The following OR6N1 variants were observed in gnomAD, a reference collection of about 807,000 sequenced individuals.
OR6N1 encodes olfactory receptor 6N1.
For synonymous variants in OR6N1, 170 were observed against 150.7 expected, an observed-to-expected ratio of 1.13 and a Z score of -0.94; for missense variants, 394 against 371.7, an observed-to-expected ratio of 1.06 and a Z score of -0.49.
the OR6N1 span, among the ~76,000 whole-genome samples, chr1:158,784,311 A>G: frequency 9.8e-5 from 15 of 152,316 alleles, 1 homozygote; most frequent in African/African-American, 3.6e-4. Context: ...ATAATTGTAC[A>G]TATTTATAGG....
chr1:158,773,126 T>A (rs1657464979), upstream of OR6N1, among the ~76,000 whole-genome samples: 1 of 152,126 alleles, frequency 6.6e-6, no homozygotes, highest in African/African-American at 2.4e-5. Flanking sequence ...ACTTTCAATA[T>A]TCTTCATCAA....
chr1:158,786,252 C>T, the OR6N1 span, among the ~76,000 whole-genome samples: 2 of 152,160 alleles, frequency 1.3e-5, no homozygotes, highest in African/African-American at 4.8e-5. Flanking sequence ...CAATGCTCAA[C>T]ATTGCTAATT....
At chr1:158,832,705 A>G in the OR6N1 span, among the ~76,000 whole-genome samples, 661 of 152,046 alleles carry the variant, frequency 4.3e-3, 3 homozygotes, top group African/African-American at 0.015. Flanking sequence ...ATTTTAAGCT[A>G]CACTATTTTT....
chr1:158,784,498 G>T, the OR6N1 span, among the ~76,000 whole-genome samples: 3 of 152,076 alleles, frequency 2.0e-5, no homozygotes, highest in Admixed American at 6.5e-5. Flanking sequence ...ACCCTACTGT[G>T]CAATAGAACA....
rs1657204509 is a variant in OR6N1 at position 158,764,944 on chromosome 1, T to G, written c.*800A>C. 1 of 152,096 alleles carries G rather than the reference T, an allele frequency of 6.6e-6. No individual in the cohort carries two copies. Among genetic ancestry groups the G allele is most frequent in the African/African-American group, 2.4e-5 (1 of 41,438 alleles). The allele number at this position is 152,096 out of a possible 1,614,324, so 9.4% of individuals were successfully genotyped here. ...TACTTGTATACTATACAAGTATTCC[T>G]TCTGGCTGGTTTGCTCCTTTCCTTT... On this transcript the variant is annotated 3_prime_UTR_variant, in exon 2 of 2. Transcript: ENST00000641846.
chr1:158,824,556 T>C, the OR6N1 span, among the ~76,000 whole-genome samples: 2 of 152,186 alleles, frequency 1.3e-5, no homozygotes, highest in Non-Finnish European at 2.9e-5. Flanking sequence ...TGGAAAGTTA[T>C]GTAGATTTTC....
chr1:158,769,308 C>T (rs1283476551), intron 1 of OR6N1, among the ~76,000 whole-genome samples: 3 of 152,060 alleles, frequency 2.0e-5, no homozygotes, highest in Admixed American at 6.5e-5. Context: ...GGACTACAAA[C>T]GTGCACCACC....
the OR6N1 span, among the ~76,000 whole-genome samples, chr1:158,827,300 AT>A: frequency 2.0e-5 from 3 of 152,050 alleles, no homozygotes; most frequent in African/African-American, 7.2e-5. Flanking sequence ...AGCAAAGAAA[AT>A]TTTTTTTAGA....
chr1:158,791,825 C>A, the OR6N1 span, among the ~76,000 whole-genome samples: 2 of 152,168 alleles, frequency 1.3e-5, no homozygotes, highest in Non-Finnish European at 2.9e-5. Context: ...TATAGTCTAG[C>A]TTGGAGAATG....
chr1:158,787,635 T>TCTCTCACACACACACACACA, the OR6N1 span, among the ~76,000 whole-genome samples: 159 of 134,274 alleles, frequency 1.2e-3, 1 homozygote, highest in Non-Finnish European at 1.9e-3. Context: ...TCTCTCTCTC[T>TCTCTCACACACACACACACA]CACACACACA....
chr1:158,770,064 C>T (rs746585969), intron 1 of OR6N1, among the ~76,000 whole-genome samples: 1 of 152,234 alleles, frequency 6.6e-6, no homozygotes, highest in African/African-American at 2.4e-5. Context: ...TGCCTCTTTC[C>T]TTTTCTGGCC....
At chr1:158,828,210 A>G in the OR6N1 span, among the ~76,000 whole-genome samples, 4 of 152,110 alleles carry the variant, frequency 2.6e-5, no homozygotes, top group Non-Finnish European at 5.9e-5. Flanking sequence ...ATATCTTCAC[A>G]TTTCAAAACC....
At chr1:158,811,936 C>A in the OR6N1 span, among the ~76,000 whole-genome samples, 3 of 152,162 alleles carry the variant, frequency 2.0e-5, no homozygotes, top group Non-Finnish European at 4.4e-5. Flanking sequence ...GAGTAAAAAA[C>A]TATCCAGGTG....
At chr1:158,837,055 A>T in the OR6N1 span, among the ~76,000 whole-genome samples, 8 of 151,862 alleles carry the variant, frequency 5.3e-5, no homozygotes, top group Non-Finnish European at 1.2e-4. Flanking sequence ...ATGATAAAAA[A>T]ATATACTCTG....
At chr1:158,816,311 G>A in the OR6N1 span, among the ~76,000 whole-genome samples, 1 of 152,154 alleles carries the variant, frequency 6.6e-6, no homozygotes, top group Non-Finnish European at 1.5e-5. Flanking sequence ...TAATCACTTT[G>A]TATGTTTTGT....
chr1:158,769,609 C>T (rs992703830), intron 1 of OR6N1, among the ~76,000 whole-genome samples: 4 of 152,168 alleles, frequency 2.6e-5, no homozygotes, highest in Non-Finnish European at 5.9e-5. Context: ...TTCTGCCCTC[C>T]GGTCTTCTTA....
At chr1:158,776,518 T>G, upstream of OR6N1, 2 of 483,892 alleles carry the variant, frequency 4.1e-6, no homozygotes, top group Non-Finnish European at 3.6e-6. Flanking sequence ...AGTGATCGAG[T>G]AAAAAATAGA....
rs1413802614 is a variant in OR6N1, at chr1:158,766,412, T to A, written c.271A>T (p.Thr91Ser). ...AGGAGACACCCAGAGAATGAAATGG[T>A]CTTTTTCTCACTGAGCAAGTTTGCC... ...MLANLLSEKK[T>S]ISFSGCLLQI... The change falls in exon 2 of 2, where the codon ACC (threonine) becomes TCC (serine). Residue 91 changes from threonine (T) to serine (S), a missense_variant. Transcript: ENST00000641846. 6.2e-7 allele frequency: 1 copy of A among 1,614,092 alleles called. No homozygotes were observed.
In OR6N1 at chr1:158,766,240, C is replaced by G; in HGVS notation, c.443G>C (p.Cys148Ser). Residue 148 changes from cysteine to serine, a missense_variant, in exon 2 of 2, where the codon TGT becomes TCT. Physicochemically the swap from Cys to Ser is moderately radical, Grantham distance 112. Transcript: ENST00000641846. ...PTLCAEIAIG[C>S]WLGGLAGPVV... ...TGGCCCAGCCAAGCCTCCCAACCAA[C>G]AGCCAATGGCAATCTCTGCACAAAG... The G allele has an allele frequency of 6.2e-7, 1 of 1,614,100 alleles. No individual in the cohort carries two copies. Among genetic ancestry groups the G allele is most frequent in the Non-Finnish European group, 8.5e-7 (1 of 1,180,030 alleles).
Sources: gnomAD v4.1 joint callset for allele counts (sites outside exome capture counted in the v4.1 genomes callset) on GRCh38, gnomAD v4.1.1 for gene constraint, MANE v1.5 for transcripts, NCBI Gene and HGNC (gene_info 2026-07-23, HGNC 2026-07-21) for gene names.